Variants in ADCK1 observed in about 807,000 individuals in gnomAD.
ADCK1 encodes the protein aarF domain-containing protein kinase 1.
A neutral mutation model predicts 52.3 loss-of-function variants in ADCK1; 41 were observed. The observed-to-expected ratio is 0.78, with a 90% CI of 0.61 to 1.02. The LOEUF is 1.02. Ranked by LOEUF, ADCK1 falls within the 50% of genes least tolerant of loss-of-function variation. The pLI is 0.00. For missense variants in ADCK1, 658 were observed against 679.5 expected (o/e 0.97, Z 0.35); for synonymous variants, 250 against 274.6 (o/e 0.91, Z 0.89).
rs371192783 is a variant in ADCK1 at position 77,887,261 on chromosome 14, C to T, written c.582+12C>T. 45 of 1,549,946 alleles carry T rather than the reference C, an allele frequency of 2.9e-5. No individual in the cohort carries two copies. The highest frequency in any genetic ancestry group is 3.6e-5 in the Non-Finnish European group (41 of 1,147,352). On this transcript the variant is annotated intron_variant, in intron 5 of 10. Coordinates refer to ENST00000238561, the MANE Select transcript of ADCK1 (RefSeq NM_020421.4). ...TTCTCCTGATGGAGGTGAGAGCCCT[C>T]CCTTTCTCCTTCCTGTGTCCTCAGT...
At chr14:77,807,884 C>T (rs1048858034) in intron 1 of ADCK1, among the ~76,000 whole-genome samples, 1 of 151,944 alleles carries the variant, frequency 6.6e-6, no homozygotes, top group Admixed American at 6.6e-5. Context: ...CTCAAGTGAT[C>T]CACCCGTCTC....
chr14:77,906,642 A>G (rs1441969689), intron 6 of ADCK1, among the ~76,000 whole-genome samples: 2 of 152,248 alleles, frequency 1.3e-5, no homozygotes, highest in African/African-American at 4.8e-5. Context: ...GTGGTTTAAC[A>G]GTACCAGAGC....
At chr14:77,900,509 C>A in intron 6 of ADCK1, 2 of 436,376 alleles carry the variant, frequency 4.6e-6, no homozygotes, top group South Asian at 1.7e-5. Flanking sequence ...ATCGCTTGGA[C>A]CCAGGAGGCA....
At chr14:77,858,867 C>T (rs577207727) in intron 3 of ADCK1, among the ~76,000 whole-genome samples, 2 of 152,220 alleles carry the variant, frequency 1.3e-5, no homozygotes, top group Admixed American at 1.3e-4. Flanking sequence ...GAAGGGCGGC[C>T]TCTGTATGAG....
At chr14:77,862,761 AT>A (rs1594961231) in intron 4 of ADCK1, among the ~76,000 whole-genome samples, 1 of 152,348 alleles carries the variant, frequency 6.6e-6, no homozygotes, top group East Asian at 1.9e-4. Flanking sequence ...AGTGCCGGAC[AT>A]TTGGGTGTAG....
chr14:77,853,148 A>G (rs545821754), intron 3 of ADCK1, among the ~76,000 whole-genome samples: 7 of 150,680 alleles, frequency 4.6e-5, no homozygotes, highest in Admixed American at 4.0e-4. Flanking sequence ...TAAAAGTTTG[A>G]TAGGGTTCTC....
intron 3 of ADCK1, among the ~76,000 whole-genome samples, chr14:77,834,029 C>A (rs191692980): frequency 2.6e-5 from 4 of 152,308 alleles, no homozygotes; most frequent in African/African-American, 9.6e-5. Context: ...ACACTTTACC[C>A]ATGCAGTTAT....
chr14:77,864,499 C>T (rs2082620586), intron 4 of ADCK1, among the ~76,000 whole-genome samples: 1 of 152,098 alleles, frequency 6.6e-6, no homozygotes, highest in Non-Finnish European at 1.5e-5. Context: ...CCATGGAGAA[C>T]TTGATGGGAG....
rs760427881 is a variant in ADCK1, at chr14:77,931,500, G to T, written c.1207-18G>T. 1 of 1,607,848 alleles carries T rather than the reference G, an allele frequency of 6.2e-7. No individual in the cohort carries two copies. Among genetic ancestry groups the T allele is most frequent in the Non-Finnish European group, 8.5e-7 (1 of 1,175,476 alleles). On this transcript the variant is annotated intron_variant, in intron 9 of 10. Coordinates refer to ENST00000238561, the MANE Select transcript of ADCK1 (RefSeq NM_020421.4). Reference sequence around the variant, plus strand: ...CCCATACCAACCATCTGTTTCTGTTGCCCCATTGCTGCTTCAGGACTTAGA... The same window carrying T: ...CCCATACCAACCATCTGTTTCTGTTTCCCCATTGCTGCTTCAGGACTTAGA...
chr14:77,863,034 A>G (rs2082585383), intron 4 of ADCK1, among the ~76,000 whole-genome samples: 1 of 152,256 alleles, frequency 6.6e-6, no homozygotes, highest in African/African-American at 2.4e-5. Context: ...ACAGGAAAGC[A>G]TAAAGCATGG....
chr14:77,930,390 T>C (rs1176617229), intron 9 of ADCK1, among the ~76,000 whole-genome samples: 3 of 152,172 alleles, frequency 2.0e-5, no homozygotes, highest in African/African-American at 7.2e-5. Flanking sequence ...TCATTATGAC[T>C]TGGCACTGAT....
chr14:77,867,015 T>G (rs1375732018), intron 4 of ADCK1, among the ~76,000 whole-genome samples: 1 of 152,192 alleles, frequency 6.6e-6, no homozygotes, highest in East Asian at 1.9e-4. Context: ...TATTTACTCA[T>G]GTGCATTTAT....
At chr14:77,812,606 T>C (rs1028985139) in intron 1 of ADCK1, among the ~76,000 whole-genome samples, 1 of 152,326 alleles carries the variant, frequency 6.6e-6, no homozygotes, top group African/African-American at 2.4e-5. Flanking sequence ...ATTCTTTTTT[T>C]TGAGACAGAG....
intron 4 of ADCK1, among the ~76,000 whole-genome samples, chr14:77,859,762 T>C (rs1373503811): frequency 6.6e-6 from 1 of 152,212 alleles, no homozygotes. Flanking sequence ...CCACATAAGG[T>C]TGCTGTGCAG....
In ADCK1 at chr14:77,887,269, C is replaced by A. The variant is rs1268382012; in HGVS notation, c.582+20C>A. 2 of 1,541,718 alleles carry A rather than the reference C, an allele frequency of 1.3e-6. No homozygotes were observed. The highest frequency in any genetic ancestry group is 2.4e-5 in the East Asian group (1 of 42,214). Reference sequence around the variant, plus strand: ...ATGGAGGTGAGAGCCCTCCCTTTCTCCTTCCTGTGTCCTCAGTCTACATTT... The same window carrying A: ...ATGGAGGTGAGAGCCCTCCCTTTCTACTTCCTGTGTCCTCAGTCTACATTT... On this transcript the variant is annotated intron_variant, in intron 5 of 10. Transcript: ENST00000238561.
rs779060993 is a variant in ADCK1 at position 77,899,222 on chromosome 14, G to T, written c.705G>T (p.Lys235Asn). 1.2e-6 allele frequency: 2 copies of T among 1,614,198 alleles called. No individual in the cohort carries two copies. The highest frequency in any genetic ancestry group is 1.1e-5 in the South Asian group (1 of 91,080). The change falls in exon 6 of 11, where the codon AAG becomes AAT. Residue 235 changes from lysine to asparagine, a missense_variant. Transcript: ENST00000238561. ...DFLNEGRNAE[K>N]VSQMLRHFDF... ...TCAATGAAGGGAGGAATGCTGAGAA[G>T]GTGTCCCAGATGCTCAGGCATTTTG... is the stretch of plus-strand genomic sequence containing the variant.
chr14:77,894,886 G>A (rs890717565), intron 5 of ADCK1, among the ~76,000 whole-genome samples: 4 of 151,536 alleles, frequency 2.6e-5, no homozygotes, highest in African/African-American at 9.7e-5. Context: ...CTGAGTAGCT[G>A]AGATTACAGG....
In ADCK1 at chr14:77,934,885, G is replaced by A. The variant is rs2084416237; in HGVS notation, c.*1494G>A. 1 of 152,202 alleles carries A rather than the reference G, an allele frequency of 6.6e-6. No individual in the cohort carries two copies. Among genetic ancestry groups the A allele is most frequent in the African/African-American group, 2.4e-5 (1 of 41,438 alleles). The allele number at this position is 152,202 out of a possible 1,614,324, so 9.4% of individuals were successfully genotyped here. The stretch of plus-strand genomic sequence containing the variant: ...ATTAATTGTTCTTAGTGACCAGTTG[G>A]ATGCACCCAGGGACCTGAGAGTATA... On this transcript the variant is annotated 3_prime_UTR_variant, in exon 11 of 11. Transcript: ENST00000238561.
At chr14:77,930,644 T>G (rs1398831500) in intron 9 of ADCK1, among the ~76,000 whole-genome samples, 2 of 152,184 alleles carry the variant, frequency 1.3e-5, no homozygotes, top group Non-Finnish European at 2.9e-5. Flanking sequence ...AGCACTTAAC[T>G]TCTCAATGCC....
Sources: allele counts gnomAD v4.1 joint callset (sites outside exome capture counted in the v4.1 genomes callset), GRCh38; gene constraint gnomAD v4.1.1; transcripts MANE v1.5; gene names NCBI Gene and HGNC (gene_info 2026-07-23, HGNC 2026-07-21).